Variants in DNAH12 observed in about 807,000 individuals in gnomAD.
DNAH12 encodes dynein axonemal heavy chain 12, also known as axonemal beta dynein heavy chain 12.
A neutral mutation model predicts 371.5 loss-of-function variants in DNAH12; 285 were observed. The ratio of observed to expected loss-of-function variants is 0.77; its 90% CI spans 0.70 to 0.85. The LOEUF (loss-of-function observed/expected upper bound fraction) is 0.85, where lower values mean the gene tolerates loss of function less well. Ranked by LOEUF, DNAH12 falls within the 40% of genes least tolerant of loss-of-function variation. The pLI is 0.00. For missense variants in DNAH12, 3,611 were observed against 3,689.4 expected, an observed-to-expected ratio of 0.98 and a Z score of 0.55; for synonymous variants, 1,200 against 1,213.0, an observed-to-expected ratio of 0.99 and a Z score of 0.22.
intron 8 of DNAH12, among the ~76,000 whole-genome samples, chr3:57,507,161 G>A (rs1381952112): frequency 2.0e-5 from 3 of 151,916 alleles, no homozygotes; most frequent in African/African-American, 4.8e-5. Flanking sequence ...AAAATTTGAG[G>A]AGGCCATAAA....
At position 57,323,211 on chromosome 3, in the gene DNAH12, TTGAAAC is replaced by T; in HGVS notation, c.10173_10178del (p.Phe3392_Gln3393del). ...CTTGTCCCTGTCCCAGTGAAATAGCTTGAAACTTATTTCCAGACATAGATTTATCAT... is the reference window on the plus strand; with the variant it reads ...CTTGTCCCTGTCCCAGTGAAATAGCTTTATTTCCAGACATAGATTTATCAT... On this transcript the variant is annotated inframe_deletion, in exon 64 of 74. Transcript: ENST00000495027. 1 of 1,552,256 alleles carries T rather than the reference TTGAAAC, an allele frequency of 6.4e-7. No individual in the cohort carries two copies. The highest frequency in any genetic ancestry group is 2.4e-5 in the East Asian group (1 of 40,918).
chr3:57,504,265 G>A, intron 8 of DNAH12, 61 bp from the exon 9 acceptor site: 1 of 1,409,258 alleles, frequency 7.1e-7, no homozygotes, highest in Non-Finnish European at 9.7e-7. Flanking sequence ...ACTAAAATCA[G>A]TAAACTGATT....
At chr3:57,421,818 T>C (rs2064591040) in intron 35 of DNAH12, 112 bp from the exon 36 acceptor site, 1 of 1,190,136 alleles carries the variant, frequency 8.4e-7, no homozygotes. Flanking sequence ...TTGAACAAGG[T>C]CGTAAGTGTA....
chr3:57,383,595 A>G (rs2063440032), intron 49 of DNAH12, among the ~76,000 whole-genome samples: 2 of 143,564 alleles, frequency 1.4e-5, no homozygotes, highest in Admixed American at 1.5e-4. Context: ...AATGTGCCAG[A>G]AATTAGCCAG....
intron 45 of DNAH12, among the ~76,000 whole-genome samples, chr3:57,389,307 G>T (rs888487336): frequency 6.6e-6 from 1 of 150,836 alleles, no homozygotes; most frequent in Admixed American, 6.6e-5. Flanking sequence ...TAATAATCAT[G>T]CACATTTAAT....
intron 23 of DNAH12, among the ~76,000 whole-genome samples, chr3:57,454,189 C>A (rs938716491): frequency 6.6e-6 from 1 of 151,976 alleles, no homozygotes; most frequent in Non-Finnish European, 1.5e-5. Flanking sequence ...ATATTAAGAA[C>A]AAGTTCTCAG....
At chr3:57,406,075 G>A in intron 40 of DNAH12, 123 bp from the exon 41 acceptor site, 2 of 1,064,716 alleles carry the variant, frequency 1.9e-6, no homozygotes, top group East Asian at 2.6e-5. Context: ...CTTGGGCTGG[G>A]CGCGGTGGCT....
chr3:57,384,107 T>C (rs1331737824), intron 49 of DNAH12, among the ~76,000 whole-genome samples: 1 of 152,078 alleles, frequency 6.6e-6, no homozygotes, highest in Non-Finnish European at 1.5e-5. Context: ...GTTGTTCTGG[T>C]CTTGCCTAAA....
intron 60 of DNAH12, among the ~76,000 whole-genome samples, chr3:57,338,887 G>A (rs1349805419): frequency 3.3e-5 from 5 of 152,172 alleles, no homozygotes; most frequent in African/African-American, 1.2e-4. Context: ...AAGAGACAAC[G>A]ACCATTGAGA....
At chr3:57,382,857 T>A (rs1020963216) in intron 49 of DNAH12, among the ~76,000 whole-genome samples, 1 of 152,222 alleles carries the variant, frequency 6.6e-6, no homozygotes, top group African/African-American at 2.4e-5. Flanking sequence ...ATAGATAGTA[T>A]AGATTCACTT....
chr3:57,424,993 T>G (rs2064719106), intron 35 of DNAH12, 29 bp downstream of exon 35: 2 of 687,288 alleles, frequency 2.9e-6, no homozygotes, highest in African/African-American at 1.8e-5. Context: ...TTATTTATAA[T>G]TAAAAACTAC....
intron 45 of DNAH12, among the ~76,000 whole-genome samples, chr3:57,388,444 C>T (rs1000918504): frequency 4.5e-4 from 68 of 151,772 alleles, no homozygotes; most frequent in African/African-American, 1.7e-3. Context: ...AGACAATATG[C>T]ATTTTAAGAC....
chr3:57,374,160 T>C (rs1286498922), intron 55 of DNAH12, among the ~76,000 whole-genome samples: 1 of 152,204 alleles, frequency 6.6e-6, no homozygotes, highest in Non-Finnish European at 1.5e-5. Context: ...GGATTCAAAT[T>C]CTGACTCTAT....
intron 43 of DNAH12, among the ~76,000 whole-genome samples, chr3:57,397,027 A>C (rs910194961): frequency 2.0e-5 from 3 of 152,338 alleles, no homozygotes; most frequent in Admixed American, 1.3e-4. Flanking sequence ...TCCATCTCAA[A>C]AAAATAGATA....
chr3:57,313,067 C>T (rs2061612556), intron 66 of DNAH12, among the ~76,000 whole-genome samples: 1 of 152,066 alleles, frequency 6.6e-6, no homozygotes, highest in Non-Finnish European at 1.5e-5. Flanking sequence ...CAAAAAGGCC[C>T]CTCAGAACAG....
At chr3:57,494,497 G>A (rs896633459) in intron 11 of DNAH12, among the ~76,000 whole-genome samples, 7 of 151,808 alleles carry the variant, frequency 4.6e-5, no homozygotes, top group Non-Finnish European at 8.8e-5. Context: ...GGGAGGTTGA[G>A]GCTACAGTGA....
chr3:57,382,468 T>C (rs2063412925), intron 49 of DNAH12, 75 bp from the exon 50 acceptor site: 1 of 151,442 alleles, frequency 6.6e-6, no homozygotes, highest in Non-Finnish European at 1.5e-5. Flanking sequence ...AATTTTAAAG[T>C]AATGTTGGGG....
intron 36 of DNAH12, among the ~76,000 whole-genome samples, chr3:57,419,795 C>T (rs1277621721): frequency 2.0e-5 from 3 of 152,092 alleles, no homozygotes; most frequent in Non-Finnish European, 4.4e-5. Context: ...TTTGTTATCA[C>T]ATATTCAACA....
chr3:57,468,095 C>T (rs1373075286), intron 17 of DNAH12, among the ~76,000 whole-genome samples: 2 of 152,040 alleles, frequency 1.3e-5, no homozygotes, highest in Non-Finnish European at 2.9e-5. Context: ...CTTTTGAGTC[C>T]AGAGCTTGAC....
Sources: allele counts gnomAD v4.1 joint callset (sites outside exome capture counted in the v4.1 genomes callset), GRCh38; gene constraint gnomAD v4.1.1; transcripts MANE v1.5; gene names NCBI Gene and HGNC (gene_info 2026-07-23, HGNC 2026-07-21).